Variants in TDRD7 observed in about 807,000 individuals in gnomAD.
The protein encoded by TDRD7 is tudor domain containing 7.
In TDRD7, 47 loss-of-function variants were observed where a neutral mutation model predicts 109.8. The observed-to-expected ratio is 0.43, with a 90% CI of 0.34 to 0.55. The LOEUF is 0.55. Among genes scored for constraint, TDRD7 ranks in the 20% least tolerant of loss-of-function variants. The pLI, the probability that TDRD7 is intolerant of heterozygous loss-of-function variation, is 0.03. For synonymous variants in TDRD7, 424 were observed against 457.3 expected, an observed-to-expected ratio of 0.93 and a Z score of 0.93; for missense variants, 1,164 against 1,319.2, an observed-to-expected ratio of 0.88 and a Z score of 1.82.
At chr9:97,460,870 G>A (rs1202084737) in intron 7 of TDRD7, 106 bp downstream of exon 7, 19 of 1,072,126 alleles carry the variant, frequency 1.8e-5, no homozygotes, top group East Asian at 2.6e-5. Flanking sequence ...GGCCGGGTGC[G>A]GTGGCTCACA....
chr9:97,469,647 A>G (rs1037921803), intron 8 of TDRD7, among the ~76,000 whole-genome samples: 3 of 152,204 alleles, frequency 2.0e-5, no homozygotes, highest in African/African-American at 7.2e-5. Flanking sequence ...TTCAATAACC[A>G]TCATCTCCTT....
At chr9:97,454,422 A>C (rs1828564991) in intron 6 of TDRD7, among the ~76,000 whole-genome samples, 1 of 152,214 alleles carries the variant, frequency 6.6e-6, no homozygotes, top group South Asian at 2.1e-4. Flanking sequence ...CAGAGCTTGC[A>C]GTGAGCCGAG....
intron 3 of TDRD7, 47 bp downstream of exon 3, chr9:97,431,121 C>T (rs1482373573): frequency 1.2e-6 from 2 of 1,607,996 alleles, no homozygotes; most frequent in Non-Finnish European, 1.7e-6. Context: ...TCTACGAATA[C>T]ATTATCATAG....
chr9:97,472,155 C>T, intron 9 of TDRD7, 138 bp from the exon 10 acceptor site: 1 of 773,454 alleles, frequency 1.3e-6, no homozygotes, highest in Non-Finnish European at 2.1e-6. Flanking sequence ...GATTGTAAAA[C>T]AAAGCTTTCA....
intron 5 of TDRD7, among the ~76,000 whole-genome samples, chr9:97,440,070 C>G (rs893202478): frequency 3.9e-5 from 6 of 152,026 alleles, no homozygotes; most frequent in Non-Finnish European, 8.8e-5. Flanking sequence ...GAACACATCT[C>G]CAGTATTTCT....
intron 15 of TDRD7, among the ~76,000 whole-genome samples, chr9:97,484,488 A>ACG (rs1554750209): frequency 1.3e-5 from 2 of 149,482 alleles, no homozygotes; most frequent in African/African-American, 4.9e-5. Flanking sequence ...ACACACACAC[A>ACG]CACACCCCAA....
intron 6 of TDRD7, among the ~76,000 whole-genome samples, chr9:97,459,274 ACTGTGTTC>A (rs1321115483): frequency 1.3e-5 from 2 of 152,334 alleles, no homozygotes; most frequent in East Asian, 3.9e-4. Context: ...AATGAGCATG[ACTGTGTTC>A]CAATAAAACT....
In TDRD7 at chr9:97,473,638, C is replaced by T. The variant is rs1828960542; in HGVS notation, c.2079+12C>T. ...ACTTCCATTGCAAGGTATAGCAGAA[C>T]CTCTTCTACCTCTAAAATTAGCCCT... On this transcript the variant is annotated intron_variant, in intron 11 of 16. Transcript: ENST00000355295. 2 of 1,613,390 alleles carry T rather than the reference C, an allele frequency of 1.2e-6. No homozygotes were observed. The highest frequency in any genetic ancestry group is 1.7e-6 in the Non-Finnish European group (2 of 1,179,594).
At chr9:97,441,557 G>T in intron 5 of TDRD7, 101 bp from the exon 6 acceptor site, 1 of 1,080,248 alleles carries the variant, frequency 9.3e-7, no homozygotes, top group Non-Finnish European at 1.4e-6. Flanking sequence ...GCTACCACAA[G>T]CCCACACTAT....
chr9:97,480,446 T>G, intron 13 of TDRD7: 1 of 200,928 alleles, frequency 5.0e-6, no homozygotes, highest in Non-Finnish European at 1.0e-5. Flanking sequence ...TTTTTTTAAG[T>G]TGAGCTAGAG....
At chr9:97,488,391 G>A (rs1396788453) in intron 16 of TDRD7, among the ~76,000 whole-genome samples, 1 of 152,152 alleles carries the variant, frequency 6.6e-6, no homozygotes, top group African/African-American at 2.4e-5. Flanking sequence ...TTTATTGGAA[G>A]CCTGTGTATT....
At chr9:97,435,204 A>G (rs975794021) in intron 4 of TDRD7, among the ~76,000 whole-genome samples, 2 of 149,038 alleles carry the variant, frequency 1.3e-5, no homozygotes, top group African/African-American at 5.0e-5. Flanking sequence ...TACTATTGCC[A>G]ATATTCTGGT....
chr9:97,445,859 C>T (rs948776918), intron 6 of TDRD7, among the ~76,000 whole-genome samples: 5 of 152,104 alleles, frequency 3.3e-5, no homozygotes, highest in Admixed American at 1.3e-4. Context: ...GGCACATTGG[C>T]TTATGCCTGT....
In TDRD7 at chr9:97,460,508, A is replaced by G; in HGVS notation, c.1186A>G (p.Asn396Asp). 6.2e-7 allele frequency: 1 copy of G among 1,614,222 alleles called. No homozygotes were observed. The highest frequency in any genetic ancestry group is 1.1e-5 in the South Asian group (1 of 91,086). ...DVCSIDYISG[N>D]PQKAILYAKL... is the part of the protein sequence containing the mutation. ...ATGCAGCATAGACTACATTTCTGGAAATCCCCAGAAGGCCATTCTCTATGC... is the reference window on the plus strand; with the variant it reads ...ATGCAGCATAGACTACATTTCTGGAGATCCCCAGAAGGCCATTCTCTATGC... The change falls in exon 7 of 17, where the codon AAT becomes GAT. Residue 396 changes from asparagine to aspartate, a missense_variant. Around this residue, in one of 5 missense-constraint regions of TDRD7, gnomAD observed 407 missense variants for 394.0 expected, o/e 1.03. Transcript: ENST00000355295.
rs117152770 is a variant in TDRD7 at position 97,452,800 on chromosome 9, C to T, written c.856-7378C>T. On this transcript the variant is annotated intron_variant, in intron 6 of 16. Transcript: ENST00000355295. Reference sequence around the variant, plus strand: ...GAAAAAAATGGGAATTCTGCTCTTGCCCTGGACCAACTCAAGTGGACATAA... The same window carrying T: ...GAAAAAAATGGGAATTCTGCTCTTGTCCTGGACCAACTCAAGTGGACATAA... Among the ~76,000 whole-genome samples the T allele has an allele frequency of 1.4e-4, 22 of 152,318 alleles. 1 individual carries two copies. In the East Asian group the frequency reaches 3.9e-3, roughly 27 times the overall value.
chr9:97,484,610 C>T (rs1002397351), intron 15 of TDRD7, among the ~76,000 whole-genome samples: 2 of 152,072 alleles, frequency 1.3e-5, no homozygotes, highest in Non-Finnish European at 2.9e-5. Flanking sequence ...GAGAAAAAAA[C>T]TAATTTTTAA....
At chr9:97,435,049 A>G (rs2118324449) in intron 4 of TDRD7, among the ~76,000 whole-genome samples, 1 of 152,268 alleles carries the variant, frequency 6.6e-6, no homozygotes, top group Middle Eastern at 3.4e-3. Context: ...CTATAAAGAG[A>G]GAGCAAGAGG....
At chr9:97,445,708 T>C (rs1828388258) in intron 6 of TDRD7, among the ~76,000 whole-genome samples, 1 of 152,136 alleles carries the variant, frequency 6.6e-6, no homozygotes, top group Non-Finnish European at 1.5e-5. Flanking sequence ...AGGAAGAAGC[T>C]GAAGAGGCAA....
At chr9:97,476,216 C>G (rs1829015668) in intron 12 of TDRD7, among the ~76,000 whole-genome samples, 1 of 152,158 alleles carries the variant, frequency 6.6e-6, no homozygotes, top group Non-Finnish European at 1.5e-5. Flanking sequence ...ATCCTCCCTG[C>G]CTCCTGCCTG....
Sources: allele counts gnomAD v4.1 joint callset (sites outside exome capture counted in the v4.1 genomes callset), GRCh38; gene constraint gnomAD v4.1.1; regional missense constraint gnomAD v4.1.1; transcripts MANE v1.5; gene names NCBI Gene and HGNC (gene_info 2026-07-23, HGNC 2026-07-21).